Variants in BTC observed in about 807,000 individuals in gnomAD.
BTC encodes the protein betacellulin.
In BTC, 13 loss-of-function variants were observed where a neutral mutation model predicts 18.1. The ratio of observed to expected loss-of-function variants is 0.72; its 90% CI spans 0.47 to 1.14. BTC has a LOEUF of 1.14. BTC is among the 50% of genes most tolerant of loss of function. The pLI is 0.00. For missense variants in BTC, 247 were observed against 224.2 expected (o/e 1.10, Z -0.65); for synonymous variants, 83 against 79.4 (o/e 1.05, Z -0.24).
chr4:74,792,278 C>A (rs1414154972), intron 1 of BTC, among the ~76,000 whole-genome samples: 1 of 152,162 alleles, frequency 6.6e-6, no homozygotes, highest in Non-Finnish European at 1.5e-5. Flanking sequence ...TGTACAATAG[C>A]ACTGGATTCG....
In BTC at chr4:74,794,345, C is replaced by A; in HGVS notation, c.-20G>T. 6.5e-7 allele frequency: 1 copy of A among 1,538,948 alleles called. No individual in the cohort carries two copies. Among genetic ancestry groups the A allele is most frequent in the Non-Finnish European group, 8.7e-7 (1 of 1,142,936 alleles). ...GTCCATCAACCCCGCTCTGCCGGGC[C>A]GGGCAGCCCCTAGACAAGTCTCCCT... On this transcript the variant is annotated 5_prime_UTR_variant, in exon 1 of 6. Transcript: ENST00000395743.
chr4:74,788,121 A>T (rs529319406), intron 1 of BTC, among the ~76,000 whole-genome samples: 3 of 152,230 alleles, frequency 2.0e-5, no homozygotes, highest in Non-Finnish European at 4.4e-5. Context: ...CCTGCCTCCA[A>T]TTCCTAGGAT....
At chr4:74,752,091 T>A (rs1398652502) in intron 3 of BTC, among the ~76,000 whole-genome samples, 4 of 152,162 alleles carry the variant, frequency 2.6e-5, no homozygotes, top group Non-Finnish European at 5.9e-5. Context: ...AAGAGATCCC[T>A]TAATGCCAAT....
At chr4:74,780,654 C>A (rs536811596) in intron 1 of BTC, among the ~76,000 whole-genome samples, 1 of 152,054 alleles carries the variant, frequency 6.6e-6, no homozygotes, top group African/African-American at 2.4e-5. Context: ...GATATCAGTC[C>A]GTCATCCTTA....
At chr4:74,791,348 AAAAAAGAAAAAG>A (rs137875155) in intron 1 of BTC, among the ~76,000 whole-genome samples, 9,330 of 151,628 alleles carry the variant, frequency 0.062, 388 homozygotes, top group Admixed American at 0.12. Flanking sequence ...TCAAAAAAAG[AAAAAAGAAAAAG>A]AAAAAGAAAA....
intron 1 of BTC, among the ~76,000 whole-genome samples, chr4:74,791,865 C>T (rs576643675): frequency 8.0e-4 from 122 of 152,038 alleles, no homozygotes; most frequent in Non-Finnish European, 8.8e-5. Context: ...AAAAACAATG[C>T]CCAGAAAGTT....
intron 1 of BTC, among the ~76,000 whole-genome samples, chr4:74,791,522 A>G (rs1235727217): frequency 6.6e-6 from 1 of 152,216 alleles, no homozygotes; most frequent in African/African-American, 2.4e-5. Context: ...AAGAATATCG[A>G]TAACACATAA....
intron 2 of BTC, among the ~76,000 whole-genome samples, chr4:74,756,941 T>C (rs1348777631): frequency 8.5e-5 from 13 of 152,194 alleles, no homozygotes; most frequent in Non-Finnish European, 1.6e-4. Context: ...ACAGAAATAC[T>C]AACTAGCTGT....
At chr4:74,756,437 G>A (rs1462115811) in intron 2 of BTC, among the ~76,000 whole-genome samples, 5 of 152,164 alleles carry the variant, frequency 3.3e-5, no homozygotes, top group Non-Finnish European at 5.9e-5. Context: ...TTCATTTAAT[G>A]TTCATAATAG....
intron 2 of BTC, 31 bp downstream of exon 2, chr4:74,770,027 A>G (rs1006275532): frequency 2.0e-6 from 3 of 1,537,322 alleles, no homozygotes; most frequent in Non-Finnish European, 2.7e-6. Context: ...ATTAAAACTC[A>G]GATTTGAATA....
chr4:74,763,794 G>T (rs1377716995), intron 2 of BTC, among the ~76,000 whole-genome samples: 1 of 151,808 alleles, frequency 6.6e-6, no homozygotes, highest in African/African-American at 2.4e-5. Flanking sequence ...AACACTGTAG[G>T]GTAACTATAA....
rs185239487 is a variant in BTC, at chr4:74,788,171, C to T, written c.64+6091G>A. On this transcript the variant is annotated intron_variant, in intron 1 of 5. Transcript: ENST00000395743. The stretch of plus-strand genomic sequence containing the variant: ...GAACTGTATCAATAATTCAGGATTC[C>T]GACTAATGCCCTCATTTTGGAAATC... 1.1e-4 allele frequency among the ~76,000 whole-genome samples: 17 copies of T among 152,260 alleles called. No homozygotes were observed. In the East Asian group the frequency reaches 1.2e-3, roughly 10 times the overall value.
intron 2 of BTC, among the ~76,000 whole-genome samples, chr4:74,759,170 G>A (rs1053287216): frequency 3.3e-5 from 5 of 152,114 alleles, no homozygotes; most frequent in Admixed American, 1.3e-4. Context: ...ATAGGGCACG[G>A]GAGGGGGAAT....
At chr4:74,784,154 C>T (rs904948118) in intron 1 of BTC, among the ~76,000 whole-genome samples, 3 of 151,058 alleles carry the variant, frequency 2.0e-5, no homozygotes, top group Non-Finnish European at 4.4e-5. Flanking sequence ...ATTGCTTGAA[C>T]CTGGGAGGCG....
At chr4:74,770,189 T>C (rs1288989067) in intron 1 of BTC, 33 bp from the exon 2 acceptor site, 1 of 1,543,576 alleles carries the variant, frequency 6.5e-7, no homozygotes, top group East Asian at 2.3e-5. Flanking sequence ...AAATCAAACA[T>C]GAAAATTTGC....
At chr4:74,773,878 C>T (rs112735634) in intron 1 of BTC, among the ~76,000 whole-genome samples, 20,075 of 152,012 alleles carry the variant, frequency 0.13, 1,810 homozygotes, top group African/African-American at 0.25. Flanking sequence ...TCCCAAAGTG[C>T]TAGGATTACA....
intron 1 of BTC, among the ~76,000 whole-genome samples, chr4:74,784,036 G>A (rs1446151746): frequency 1.3e-5 from 2 of 151,570 alleles, no homozygotes; most frequent in East Asian, 3.9e-4. Context: ...AGTTCGAGAC[G>A]AGCCTGGCCA....
At chr4:74,784,883 C>A (rs1381771814) in intron 1 of BTC, among the ~76,000 whole-genome samples, 2 of 152,066 alleles carry the variant, frequency 1.3e-5, no homozygotes, top group African/African-American at 2.4e-5. Flanking sequence ...CTGAAGTTTT[C>A]TTTTTTGGTT....
intron 2 of BTC, among the ~76,000 whole-genome samples, chr4:74,757,052 T>C (rs1319442757): frequency 6.6e-6 from 1 of 152,172 alleles, no homozygotes; most frequent in Non-Finnish European, 1.5e-5. Flanking sequence ...TCCACGTTCA[T>C]GGTATAACCA....
Sources: allele counts gnomAD v4.1 joint callset (sites outside exome capture counted in the v4.1 genomes callset), GRCh38; gene constraint gnomAD v4.1.1; transcripts MANE v1.5; gene names NCBI Gene and HGNC (gene_info 2026-07-23, HGNC 2026-07-21).